The following PLA2G6 variants were observed in gnomAD, a reference collection of about 807,000 sequenced individuals.
PLA2G6 encodes phospholipase A2 group VI.
A neutral mutation model predicts 83.8 loss-of-function variants in PLA2G6; 62 were observed. That is an observed-to-expected ratio of 0.74 (90% CI 0.60 to 0.91). The LOEUF (loss-of-function observed/expected upper bound fraction) is 0.91, where lower values mean the gene tolerates loss of function less well. PLA2G6 is among the 40% of genes least tolerant of loss of function. The pLI is 0.00. For missense variants in PLA2G6, 944 were observed against 1,102.0 expected (o/e 0.86, Z 2.03); for synonymous variants, 417 against 449.8 (o/e 0.93, Z 0.92).
chr22:38,142,629 A>G (rs1602171585), intron 4 of PLA2G6: 1 of 242,438 alleles, frequency 4.1e-6, no homozygotes, highest in South Asian at 5.7e-5. Flanking sequence ...AGGTCCATGC[A>G]TGGATCTCAT....
chr22:38,115,869 G>A, intron 13 of PLA2G6, 188 bp from the exon 14 acceptor site: 1 of 1,479,936 alleles, frequency 6.8e-7, no homozygotes, highest in South Asian at 1.3e-5. Context: ...GGCAGGTACA[G>A]CTGAGGACTT....
intron 1 of PLA2G6, among the ~76,000 whole-genome samples, chr22:38,172,104 T>C (rs1161922515): frequency 1.3e-5 from 2 of 152,160 alleles, no homozygotes; most frequent in East Asian, 3.9e-4. Flanking sequence ...TTCGTCATCC[T>C]CCTACCAAAC....
intron 1 of PLA2G6, among the ~76,000 whole-genome samples, chr22:38,175,463 C>T (rs150106546): frequency 3.0e-4 from 45 of 152,292 alleles, no homozygotes; most frequent in African/African-American, 9.6e-4. Context: ...TCATCCCTCA[C>T]CTCTACTCCA....
intron 1 of PLA2G6, among the ~76,000 whole-genome samples, chr22:38,178,195 C>T (rs568405022): frequency 1.3e-5 from 2 of 152,174 alleles, no homozygotes; most frequent in Admixed American, 1.3e-4. Context: ...ACAGTGTGGC[C>T]CATGTTATGA....
At chr22:38,145,829 A>ACACACC (rs2089225115) in intron 2 of PLA2G6, 176 bp from the exon 3 acceptor site, 2 of 602,198 alleles carry the variant, frequency 3.3e-6, no homozygotes, top group Admixed American at 4.5e-5. Flanking sequence ...ACACACACAC[A>ACACACC]CACACCCCTA....
At chr22:38,164,752 C>G (rs554519359) in intron 2 of PLA2G6, among the ~76,000 whole-genome samples, 1 of 152,144 alleles carries the variant, frequency 6.6e-6, no homozygotes, top group African/African-American at 2.4e-5. Context: ...CACTCTAACA[C>G]GCGTCAAGTA....
chr22:38,155,927 A>C (rs2089760517), intron 2 of PLA2G6, among the ~76,000 whole-genome samples: 1 of 152,208 alleles, frequency 6.6e-6, no homozygotes, highest in South Asian at 2.1e-4. Flanking sequence ...TGTTGCCTAC[A>C]TGAAACACAC....
At chr22:38,135,183 C>T in intron 5 of PLA2G6, 99 bp from the exon 6 acceptor site, 1 of 813,074 alleles carries the variant, frequency 1.2e-6, no homozygotes. Flanking sequence ...TTACAGAGAG[C>T]ATCACTGCAA....
chr22:38,142,859 A>T, intron 4 of PLA2G6: 3 of 559,370 alleles, frequency 5.4e-6, no homozygotes, highest in Middle Eastern at 5.0e-4. Context: ...TTTGGGGTTT[A>T]TTTTGCTGGG....
chr22:38,159,982 A>AGT (rs934420414), intron 2 of PLA2G6, among the ~76,000 whole-genome samples: 24 of 152,312 alleles, frequency 1.6e-4, no homozygotes, highest in African/African-American at 5.5e-4. Flanking sequence ...ATCACTGACA[A>AGT]AAGGTGTGTA....
At position 38,120,826 on chromosome 22, in the gene PLA2G6, GC is replaced by G. The variant is rs587784336; in HGVS notation, c.1674del (p.Leu560TrpfsTer5). 2.1e-5 allele frequency: 34 copies of G among 1,613,884 alleles called. No homozygotes were observed. Among genetic ancestry groups the G allele is most frequent in the Non-Finnish European group, 2.8e-5 (33 of 1,180,030 alleles). On this transcript the variant is annotated frameshift_variant, in exon 12 of 17. Coordinates refer to ENST00000332509, the MANE Select transcript of PLA2G6 (RefSeq NM_003560.4). LOFTEE classifies it high-confidence loss of function. Reference sequence around the variant, plus strand: ...TCCCGCTTCAGGAACTCCTCCAGGGGCCCCGACTCGTAGGGCCTGGAGCCCC... The same window carrying G: ...TCCCGCTTCAGGAACTCCTCCAGGGGCCCGACTCGTAGGGCCTGGAGCCCC... ...VFRGSRPYES[G>X]PLEEFLKREF... is the part of the protein sequence containing the mutation.
At chr22:38,165,088 C>G (rs1569296202) in intron 2 of PLA2G6, among the ~76,000 whole-genome samples, 1 of 152,206 alleles carries the variant, frequency 6.6e-6, no homozygotes, top group Non-Finnish European at 1.5e-5. Flanking sequence ...CAGTCCCCAT[C>G]CTCCACCTCC....
At chr22:38,143,446 T>G in intron 3 of PLA2G6, 158 bp from the exon 4 acceptor site, 1 of 735,442 alleles carries the variant, frequency 1.4e-6, no homozygotes, top group Non-Finnish European at 2.4e-6. Flanking sequence ...TGGGCTGATT[T>G]GAATGTAATT....
chr22:38,113,416 G>T, intron 15 of PLA2G6, 71 bp downstream of exon 15: 1 of 1,434,756 alleles, frequency 7.0e-7, no homozygotes, highest in Non-Finnish European at 9.8e-7. Context: ...GGCCCCACAG[G>T]ATGAGGGGAA....
chr22:38,126,768 G>C (rs1190992155), intron 9 of PLA2G6: 1 of 408,340 alleles, frequency 2.4e-6, no homozygotes, highest in Non-Finnish European at 4.7e-6. Context: ...ATACCCTTGC[G>C]TGTCCTCTTC....
chr22:38,133,067 C>T, intron 6 of PLA2G6, 54 bp from the exon 7 acceptor site: 1 of 1,508,626 alleles, frequency 6.6e-7, no homozygotes, highest in Non-Finnish European at 8.9e-7. Flanking sequence ...GCTGCCGCAC[C>T]CCGGGACACG....
chr22:38,162,820 A>G (rs2090071283), intron 2 of PLA2G6, among the ~76,000 whole-genome samples: 2 of 151,786 alleles, frequency 1.3e-5, no homozygotes, highest in Admixed American at 6.6e-5. Context: ...GGGAGAGAAA[A>G]CTCTCAGGAG....
chr22:38,119,817 A>AAAAG (rs747932320), intron 12 of PLA2G6, among the ~76,000 whole-genome samples: 7 of 152,192 alleles, frequency 4.6e-5, no homozygotes, highest in African/African-American at 1.7e-4. Context: ...TGTTTCAAAA[A>AAAAG]AAAGAAAGAA....
In PLA2G6 at chr22:38,134,980, C is replaced by T. The variant is rs752942062; in HGVS notation, c.894+8G>A. 3 of 658,496 alleles carry T rather than the reference C, an allele frequency of 4.6e-6. No individual in the cohort carries two copies. Among genetic ancestry groups the T allele is most frequent in the Non-Finnish European group, 8.0e-6 (3 of 374,184 alleles). The allele number at this position is 658,496 out of a possible 1,614,324, so 40.8% of individuals were successfully genotyped here. On this transcript the variant is annotated splice_region_variant and intron_variant, in intron 6 of 16. Transcript: ENST00000332509. ...CTGCCCCACCCACCCACCTCAGGAT[C>T]CACTCACCTCTGCGTTCTTGGCCCA...
Sources: gnomAD v4.1 joint callset for allele counts (sites outside exome capture counted in the v4.1 genomes callset) on GRCh38, gnomAD v4.1.1 for gene constraint, MANE v1.5 for transcripts, NCBI Gene and HGNC (gene_info 2026-07-23, HGNC 2026-07-21) for gene names.